Variants in RIPOR3 observed in about 807,000 individuals in gnomAD.
RIPOR3 encodes the protein family with sequence similarity 65 member C.
A neutral mutation model predicts 114.3 loss-of-function variants in RIPOR3; 95 were observed. That is an observed-to-expected ratio of 0.83 (90% CI 0.70 to 0.99). The LOEUF is 0.99. Among genes scored for constraint, RIPOR3 ranks in the 50% least tolerant of loss-of-function variants. RIPOR3 has a pLI of 0.00. For synonymous variants in RIPOR3, 575 were observed against 543.8 expected (o/e 1.06, Z -0.80); for missense variants, 1,252 against 1,266.9 (o/e 0.99, Z 0.18).
intron 1 of RIPOR3, chr20:50,645,665 AC>A (rs2085376162): frequency 6.6e-6 from 1 of 152,548 alleles, no homozygotes; most frequent in South Asian, 2.1e-4. Context: ...CATTTGCCTA[AC>A]CTAGATCCTT....
At chr20:50,664,695 G>T (rs2086121287) in intron 1 of RIPOR3, among the ~76,000 whole-genome samples, 1 of 152,158 alleles carries the variant, frequency 6.6e-6, no homozygotes, top group Admixed American at 6.5e-5. Flanking sequence ...ACGCCAAGGT[G>T]GGAGATATTG....
At chr20:50,609,794 C>A in intron 6 of RIPOR3, 72 bp from the exon 7 acceptor site, 3 of 1,349,054 alleles carry the variant, frequency 2.2e-6, no homozygotes, top group Non-Finnish European at 2.9e-6. Flanking sequence ...GTCGACTTCT[C>A]CTCTCTGGGA....
intron 1 of RIPOR3, among the ~76,000 whole-genome samples, chr20:50,657,946 G>A (rs190616007): frequency 6.6e-6 from 1 of 151,172 alleles, no homozygotes; most frequent in African/African-American, 2.4e-5. Flanking sequence ...TTATTTTTTT[G>A]TAGTAACAGG....
At chr20:50,611,267 A>G (rs1600562986) in intron 4 of RIPOR3, 63 bp from the exon 5 acceptor site, 2 of 1,608,200 alleles carry the variant, frequency 1.2e-6, no homozygotes, top group South Asian at 1.1e-5. Flanking sequence ...TCCAAGGCCT[A>G]TGAGGCTCTA....
intron 21 of RIPOR3, 150 bp downstream of exon 21, chr20:50,587,652 G>T: frequency 1.4e-6 from 1 of 707,148 alleles, no homozygotes. Flanking sequence ...TACAAAGGGT[G>T]GAGGTCGGCT....
chr20:50,643,690 A>ATTTC (rs1447532278), intron 1 of RIPOR3, among the ~76,000 whole-genome samples: 16 of 147,220 alleles, frequency 1.1e-4, no homozygotes, highest in South Asian at 2.1e-4. Context: ...AGGCAGGAGG[A>ATTTC]TTTCTTTCTT....
At chr20:50,590,817 T>C (rs979911813) in intron 19 of RIPOR3, among the ~76,000 whole-genome samples, 14 of 35,166 alleles carry the variant, frequency 4.0e-4, no homozygotes, top group East Asian at 1.5e-3. Flanking sequence ...TGAAGGCCCT[T>C]TTTTTTTTTT....
chr20:50,675,084 G>T (rs1487000790), intron 1 of RIPOR3, among the ~76,000 whole-genome samples: 2 of 152,120 alleles, frequency 1.3e-5, no homozygotes, highest in African/African-American at 4.8e-5. Flanking sequence ...TCTAAAACAA[G>T]ATGGGACACA....
At chr20:50,689,375 C>T (rs900871603) in intron 1 of RIPOR3, among the ~76,000 whole-genome samples, 2 of 152,056 alleles carry the variant, frequency 1.3e-5, no homozygotes, top group African/African-American at 2.4e-5. Flanking sequence ...GAGGTTTCAC[C>T]ATGTTGGCCA....
intron 1 of RIPOR3, among the ~76,000 whole-genome samples, chr20:50,665,421 CTTTTTTTTTT>C (rs11471486): frequency 9.3e-6 from 1 of 107,856 alleles, no homozygotes; most frequent in Non-Finnish European, 1.8e-5. Flanking sequence ...CCCCCTCTTC[CTTTTTTTTTT>C]TTTTTTTGAG....
At chr20:50,651,822 C>T (rs1325687687) in intron 1 of RIPOR3, among the ~76,000 whole-genome samples, 11 of 152,236 alleles carry the variant, frequency 7.2e-5, no homozygotes, top group African/African-American at 4.8e-5. Flanking sequence ...TTCTTCAATG[C>T]ACTGCCTACA....
intron 1 of RIPOR3, among the ~76,000 whole-genome samples, chr20:50,647,085 C>T (rs1451827844): frequency 3.9e-5 from 6 of 152,062 alleles, no homozygotes; most frequent in South Asian, 2.1e-4. Context: ...TTTCGGAGGC[C>T]GAGGCGGACG....
chr20:50,616,311 C>T (rs1240754540), intron 3 of RIPOR3, among the ~76,000 whole-genome samples: 3 of 152,110 alleles, frequency 2.0e-5, no homozygotes, highest in Admixed American at 6.6e-5. Flanking sequence ...CAAGTAGCTT[C>T]TACTGTTATT....
chr20:50,595,490 A>G lies in RIPOR3; in HGVS notation c.1929T>C (p.Pro643=), dbSNP rs1354709746. Residue 643 remains proline (P), a synonymous_variant, in exon 16 of 22, where the codon CCT becomes CCC. Coordinates refer to ENST00000327979, the MANE Select transcript of RIPOR3 (RefSeq NM_001290268.2). ...CKALLQKLAS[P]NLSRLVQECL... ...ATTCCTGGACCAGCCTTGATAAATTAGGGGAGGCCAGTTTCTGGGAAGCAG... is the reference window on the plus strand; with the variant it reads ...ATTCCTGGACCAGCCTTGATAAATTGGGGGAGGCCAGTTTCTGGGAAGCAG... 8 of 1,613,872 alleles carry G rather than the reference A, an allele frequency of 5.0e-6. No homozygotes were observed. The highest frequency in any genetic ancestry group is 1.6e-4 in the Middle Eastern group (1 of 6,078).
At chr20:50,666,560 T>C (rs2086255598) in intron 1 of RIPOR3, among the ~76,000 whole-genome samples, 1 of 145,542 alleles carries the variant, frequency 6.9e-6, no homozygotes, top group South Asian at 2.2e-4. Flanking sequence ...TGTTTGTTTT[T>C]TGTTGTTGTT....
chr20:50,641,807 T>A (rs935488537), intron 1 of RIPOR3, among the ~76,000 whole-genome samples: 1 of 152,254 alleles, frequency 6.6e-6, no homozygotes, highest in South Asian at 2.1e-4. Flanking sequence ...GCCACTGGCC[T>A]GGCTGAGACA....
chr20:50,602,315 G>C lies in RIPOR3; in HGVS notation c.1416C>G (p.Gly472=), dbSNP rs1267735687. 20 of 1,613,732 alleles carry C rather than the reference G, an allele frequency of 1.2e-5. No homozygotes were observed. Among genetic ancestry groups the C allele is most frequent in the Non-Finnish European group, 1.5e-5 (18 of 1,179,962 alleles). Residue 472 remains glycine (G), a synonymous_variant, in exon 13 of 22, where the codon GGC becomes GGG. Coordinates refer to ENST00000327979, the MANE Select transcript of RIPOR3 (RefSeq NM_001290268.2). This position sits in a 1 kb window ranked among gnomAD's most constrained non-coding sequence, Gnocchi z 4.3. The part of the protein sequence containing the change: ...LSGGPFAEQP[G]WRNLGGESPS... ...GGCTCTCCCCTCCTAAGTTCCTCCA[G>C]CCAGGCTGCTCTGCAAACGGGCCTC... is the stretch of plus-strand genomic sequence containing the variant.
chr20:50,587,751 C>T, intron 21 of RIPOR3, 51 bp downstream of exon 21: 2 of 1,584,024 alleles, frequency 1.3e-6, no homozygotes, highest in Non-Finnish European at 1.7e-6. Context: ...CTCGCAGATT[C>T]TAAGGGCCCC....
rs773729956 is a variant in RIPOR3, at chr20:50,596,251, G to C, written c.1803C>G (p.Pro601=). ...CTTTCAGTGATGACGGTGGGGGCAG[G>C]GGCCGGTCCTTTCTGAGTTGAATTG... ...GGSQGLRKDR[P]LPPPSSLKAS... The change falls in exon 15 of 22, where the codon CCC becomes CCG. Residue 601 remains proline (P), a synonymous_variant. Transcript: ENST00000327979. The C allele has an allele frequency of 6.2e-7, 1 of 1,614,150 alleles. No individual in the cohort carries two copies. The highest frequency in any genetic ancestry group is 2.2e-5 in the East Asian group (1 of 44,876).
Sources: gnomAD v4.1 joint callset for allele counts (sites outside exome capture counted in the v4.1 genomes callset) on GRCh38, gnomAD v4.1.1 for gene constraint, Gnocchi (gnomAD v3.1) non-coding constraint, MANE v1.5 for transcripts, NCBI Gene and HGNC (gene_info 2026-07-23, HGNC 2026-07-21) for gene names.